Variants in NCAM2 observed in about 807,000 individuals in gnomAD.
The protein encoded by NCAM2 is neural cell adhesion molecule 2, also known as N-CAM-2.
In NCAM2, 30 loss-of-function variants were observed where a neutral mutation model predicts 98.1. That is an observed-to-expected ratio of 0.31 (90% CI 0.23 to 0.41). The LOEUF (loss-of-function observed/expected upper bound fraction) is 0.41, where lower values mean the gene tolerates loss of function less well. NCAM2 is among the 10% of genes least tolerant of loss of function. The pLI is 1.00. For synonymous variants in NCAM2, 368 were observed against 342.4 expected (o/e 1.07, Z -0.83); for missense variants, 867 against 1,005.8 (o/e 0.86, Z 1.87).
intron 12 of NCAM2, among the ~76,000 whole-genome samples, chr21:21,450,318 G>C (rs935347029): frequency 6.6e-6 from 1 of 151,448 alleles, no homozygotes; most frequent in Non-Finnish European, 1.5e-5. Context: ...GTGTGTGTGT[G>C]TGCCTCATGT....
At chr21:21,268,600 A>G (rs1205991229) in intron 1 of NCAM2, among the ~76,000 whole-genome samples, 9 of 152,054 alleles carry the variant, frequency 5.9e-5, no homozygotes, top group Admixed American at 3.3e-4. Context: ...ATATGTGGAA[A>G]ACCTCTCACT....
chr21:21,385,999 G>A (rs1022810674), intron 9 of NCAM2, among the ~76,000 whole-genome samples: 1 of 151,718 alleles, frequency 6.6e-6, no homozygotes, highest in African/African-American at 2.4e-5. Context: ...ATTTTCTCCT[G>A]TAGTATAAAA....
intron 1 of NCAM2, among the ~76,000 whole-genome samples, chr21:21,046,028 T>A (rs2065001969): frequency 6.6e-6 from 1 of 152,208 alleles, no homozygotes; most frequent in South Asian, 2.1e-4. Context: ...CCTCTGTGGC[T>A]CAGTTTTCTT....
At chr21:21,228,869 A>G (rs182807521) in intron 1 of NCAM2, among the ~76,000 whole-genome samples, 83 of 151,616 alleles carry the variant, frequency 5.5e-4, no homozygotes, top group Admixed American at 1.3e-3. Context: ...GTATCTTAAT[A>G]CTGGGTCATA....
In NCAM2 at chr21:21,284,308, A is replaced by T; in HGVS notation, c.245A>T (p.Asn82Ile). 2 of 1,612,334 alleles carry T rather than the reference A, an allele frequency of 1.2e-6. No homozygotes were observed. The highest frequency in any genetic ancestry group is 2.2e-5 in the South Asian group (2 of 91,036). ...GTTAGGTCACGGTTAACCATCTACA[A>T]TGCAAATATAGAAGATGCAGGGATA... ...EGVRSRLTIY[N>I]ANIEDAGIYR... Residue 82 changes from asparagine to isoleucine, a missense_variant, in exon 3 of 18, where the codon AAT becomes ATT. This residue lies in a region of NCAM2 where 447 missense variants were observed against 495.7 expected (regional missense o/e 0.90). Transcript: ENST00000400546.
intron 1 of NCAM2, among the ~76,000 whole-genome samples, chr21:21,017,727 A>G (rs2064342843): frequency 6.6e-6 from 1 of 152,122 alleles, no homozygotes. Context: ...ATTTCTTTTT[A>G]GGATAGCTAT....
intron 1 of NCAM2, among the ~76,000 whole-genome samples, chr21:21,243,244 A>G (rs1186936360): frequency 6.6e-6 from 1 of 152,206 alleles, no homozygotes; most frequent in East Asian, 1.9e-4. Context: ...ATAAAGAGCA[A>G]AAGTCTTAGA....
intron 1 of NCAM2, among the ~76,000 whole-genome samples, chr21:21,116,192 A>G (rs191836646): frequency 6.6e-6 from 1 of 152,264 alleles, no homozygotes; most frequent in African/African-American, 2.4e-5. Flanking sequence ...CCCAGCGGAC[A>G]TGTGCTTGAC....
chr21:21,357,169 G>A (rs1188801716), intron 8 of NCAM2, among the ~76,000 whole-genome samples: 3 of 151,940 alleles, frequency 2.0e-5, no homozygotes, highest in African/African-American at 7.3e-5. Flanking sequence ...TATACAAGTG[G>A]GCTTTCACAA....
chr21:21,091,743 A>G (rs974972038), intron 1 of NCAM2, among the ~76,000 whole-genome samples: 9 of 152,228 alleles, frequency 5.9e-5, no homozygotes, highest in Non-Finnish European at 1.2e-4. Flanking sequence ...AATTAGCCTC[A>G]TAATTACCTG....
intron 8 of NCAM2, among the ~76,000 whole-genome samples, chr21:21,361,410 A>G (rs1184956910): frequency 6.6e-6 from 1 of 151,786 alleles, no homozygotes; most frequent in Non-Finnish European, 1.5e-5. Context: ...TAGTTAAACA[A>G]CCTCTTCTGT....
chr21:21,004,292 G>A (rs181242215), intron 1 of NCAM2, among the ~76,000 whole-genome samples: 62 of 152,196 alleles, frequency 4.1e-4, no homozygotes, highest in African/African-American at 1.4e-3. Flanking sequence ...TAACAGTACC[G>A]ACCACTTGTG....
At chr21:21,147,555 G>A (rs1052715098) in intron 1 of NCAM2, among the ~76,000 whole-genome samples, 6 of 150,900 alleles carry the variant, frequency 4.0e-5, no homozygotes, top group African/African-American at 1.5e-4. Flanking sequence ...CATACATGCC[G>A]TGGTATACTC....
intron 9 of NCAM2, among the ~76,000 whole-genome samples, chr21:21,381,167 C>A (rs1602165248): frequency 6.6e-6 from 1 of 152,096 alleles, no homozygotes; most frequent in Non-Finnish European, 1.5e-5. Flanking sequence ...AAATATTTTA[C>A]TTTTTCTGGG....
chr21:21,536,610 C>T (rs1176677009), intron 17 of NCAM2, among the ~76,000 whole-genome samples: 3 of 152,016 alleles, frequency 2.0e-5, no homozygotes, highest in African/African-American at 7.2e-5. Flanking sequence ...GGCCGGTCTC[C>T]AACTCCTGAC....
At chr21:21,176,071 A>G (rs962486163) in intron 1 of NCAM2, among the ~76,000 whole-genome samples, 1 of 152,226 alleles carries the variant, frequency 6.6e-6, no homozygotes, top group Non-Finnish European at 1.5e-5. Context: ...ACAGAAAACT[A>G]AAAAGAAAGA....
At chr21:21,409,695 A>C (rs1243032165) in intron 9 of NCAM2, among the ~76,000 whole-genome samples, 1 of 152,054 alleles carries the variant, frequency 6.6e-6, no homozygotes, top group Non-Finnish European at 1.5e-5. Context: ...AGCAAATTTA[A>C]CTCTGGTTCT....
chr21:21,373,994 C>T lies in NCAM2; in HGVS notation c.1176C>T (p.Ser392=), dbSNP rs2075977440. ...AASRIGGHQK[S]MYLDIEYAPK... is the part of the protein sequence containing the mutation. ...GCAGAATTGGAGGGCATCAAAAGAG[C>T]ATGTACCTTGATATTGAATGTAAGT... Residue 392 remains serine (S), a synonymous_variant, in exon 9 of 18, where the codon AGC becomes AGT. Transcript: ENST00000400546. 6.2e-7 allele frequency: 1 copy of T among 1,608,272 alleles called. No homozygotes were observed. Among genetic ancestry groups the T allele is most frequent in the Admixed American group, 1.7e-5 (1 of 59,038 alleles).
At chr21:21,142,364 C>CG (rs2067184436) in intron 1 of NCAM2, among the ~76,000 whole-genome samples, 1 of 111,654 alleles carries the variant, frequency 9.0e-6, no homozygotes, top group African/African-American at 3.0e-5. Flanking sequence ...ATTATTTGAC[C>CG]GTTTTTTTTT....
Sources: allele counts gnomAD v4.1 joint callset (sites outside exome capture counted in the v4.1 genomes callset), GRCh38; gene constraint gnomAD v4.1.1; regional missense constraint gnomAD v4.1.1; transcripts MANE v1.5; gene names NCBI Gene and HGNC (gene_info 2026-07-23, HGNC 2026-07-21).